The following SLCO3A1 variants were observed in gnomAD, a reference collection of about 807,000 sequenced individuals.
The protein encoded by SLCO3A1 is solute carrier organic anion transporter family member 3A1.
Under a neutral mutation model 63.1 loss-of-function variants are expected in SLCO3A1, and 27 were observed. The observed-to-expected ratio is 0.43, with a 90% confidence interval of 0.32 to 0.59. The LOEUF (loss-of-function observed/expected upper bound fraction) is 0.59, where lower values mean the gene tolerates loss of function less well. Among genes scored for constraint, SLCO3A1 ranks in the 20% least tolerant of loss-of-function variants. SLCO3A1 has a pLI of 0.09. For missense variants in SLCO3A1, 773 were observed against 945.8 expected (o/e 0.82, Z 2.40); for synonymous variants, 473 against 409.9 (o/e 1.15, Z -1.86).
intron 5 of SLCO3A1, among the ~76,000 whole-genome samples, chr15:92,122,863 T>A (rs2047879499): frequency 6.6e-6 from 1 of 152,212 alleles, no homozygotes; most frequent in Non-Finnish European, 1.5e-5. Flanking sequence ...TGGTTGAATC[T>A]CACAGAGTTG....
At chr15:91,868,796 G>A (rs1040048589) in intron 1 of SLCO3A1, among the ~76,000 whole-genome samples, 1 of 152,152 alleles carries the variant, frequency 6.6e-6, no homozygotes, top group Non-Finnish European at 1.5e-5. Flanking sequence ...CTACTGTCGT[G>A]ATTTTTAAAA....
intron 1 of SLCO3A1, among the ~76,000 whole-genome samples, chr15:91,855,023 C>A (rs771898846): frequency 1.3e-5 from 2 of 152,052 alleles, no homozygotes; most frequent in Non-Finnish European, 2.9e-5. Context: ...CCTGTCTAAA[C>A]GGGAAATTTT....
At chr15:91,908,757 TA>T (rs543497302) in intron 1 of SLCO3A1, 15,982 of 128,442 alleles carry the variant, frequency 0.12, 908 homozygotes, top group African/African-American at 0.17. Flanking sequence ...TTAATGGAAT[TA>T]AAAAAAAAAA....
intron 7 of SLCO3A1, among the ~76,000 whole-genome samples, chr15:92,146,773 G>A (rs895889510): frequency 6.6e-6 from 1 of 152,184 alleles, no homozygotes; most frequent in Admixed American, 6.5e-5. Context: ...ACAAGAGACA[G>A]AGAAATCAGC....
At chr15:92,030,790 G>A (rs1054933783) in intron 2 of SLCO3A1, among the ~76,000 whole-genome samples, 13 of 152,222 alleles carry the variant, frequency 8.5e-5, no homozygotes, top group African/African-American at 2.6e-4. Context: ...ACCTCTTAGC[G>A]CTCGCATTCT....
chr15:91,864,931 A>C (rs1194928726), intron 1 of SLCO3A1, among the ~76,000 whole-genome samples: 1 of 152,148 alleles, frequency 6.6e-6, no homozygotes, highest in Non-Finnish European at 1.5e-5. Context: ...ACCGTCCCTG[A>C]CAGGATGTCA....
chr15:92,106,892 A>G (rs959533170), intron 4 of SLCO3A1, among the ~76,000 whole-genome samples: 2 of 152,218 alleles, frequency 1.3e-5, no homozygotes, highest in South Asian at 4.1e-4. Context: ...CTATGGCTTA[A>G]GCATTCTTGG....
At chr15:91,945,211 G>C (rs56000392) in intron 2 of SLCO3A1, among the ~76,000 whole-genome samples, 11,930 of 151,996 alleles carry the variant, frequency 0.078, 536 homozygotes, top group Non-Finnish European at 0.09. Flanking sequence ...GCATGGTGGC[G>C]TGTGCCTGTA....
Position 92,171,657 on chromosome 15 carries a change from G to A in SLCO3A1, c.1997-123G>A, listed in dbSNP as rs2048522066. 5.8e-5 allele frequency: 41 copies of A among 702,864 alleles called. 2 individuals carry two copies. The South Asian group carries it at 6.5e-4, about 11-fold the overall frequency. 43.5% of individuals were successfully genotyped at this position (702,864 alleles called of 1,614,324 possible). ...AACCCAGCACTTTATTGCTTTGACT[G>A]CCTACTCTTGTCCCTTCACTGCAAA... On this transcript the variant is annotated intron_variant, in intron 10 of 10. Transcript: ENST00000424469.
intron 5 of SLCO3A1, 63 bp from the exon 6 acceptor site, chr15:92,125,998 G>T (rs762316145): frequency 2.1e-6 from 3 of 1,443,472 alleles, no homozygotes; most frequent in Non-Finnish European, 2.9e-6. Flanking sequence ...CCTGCTGCCC[G>T]CCTGTCTGTA....
intron 2 of SLCO3A1, among the ~76,000 whole-genome samples, chr15:91,978,262 T>C (rs1294833292): frequency 6.6e-6 from 1 of 152,242 alleles, no homozygotes; most frequent in African/African-American, 2.4e-5. Flanking sequence ...CACTGCTGTT[T>C]AGGAAAATGG....
intron 2 of SLCO3A1, among the ~76,000 whole-genome samples, chr15:91,930,660 G>A (rs1899193868): frequency 6.6e-6 from 1 of 152,200 alleles, no homozygotes; most frequent in East Asian, 1.9e-4. Context: ...CGTACAAGGT[G>A]CTGGGGATAC....
chr15:91,934,333 G>T lies in SLCO3A1; in HGVS notation c.646+17875G>T, dbSNP rs368840029. On this transcript the variant is annotated intron_variant, in intron 2 of 9. Coordinates refer to ENST00000318445, the MANE Select transcript of SLCO3A1 (RefSeq NM_013272.4). ...CTCTTTCTTCAAGGTTGCTCACTGG[G>T]AAATGGCTAGGCAGTGAATGGTCAG... Among the ~76,000 whole-genome samples, 9 of 152,248 alleles carry T rather than the reference G, an allele frequency of 5.9e-5. No homozygotes were observed. In the East Asian group the frequency reaches 1.7e-3, roughly 29 times the overall value.
Position 92,033,529 on chromosome 15 carries a change from A to G in SLCO3A1, c.647-61352A>G, listed in dbSNP as rs1190573827. On this transcript the variant is annotated intron_variant, in intron 2 of 9. Transcript: ENST00000318445. The surrounding 1 kb of genome is among the most constrained non-coding windows in gnomAD (Gnocchi z 4.5). The stretch of plus-strand genomic sequence containing the variant: ...GAGAACGAGGGAGGAGCAGAGGGTG[A>G]CTTCCAGCTGGGACTGGCATGTGTT... Among the ~76,000 whole-genome samples, 2 of 152,140 alleles carry G rather than the reference A, an allele frequency of 1.3e-5. No individual in the cohort carries two copies.
Position 91,854,297 on chromosome 15 carries a change from T to G in SLCO3A1, c.180+209T>G. On this transcript the variant is annotated intron_variant, in intron 1 of 9. Coordinates refer to ENST00000318445, the MANE Select transcript of SLCO3A1 (RefSeq NM_013272.4). The surrounding 1 kb of genome is among the most constrained non-coding windows in gnomAD (Gnocchi z 6.4). ...AGCGGGTAGCGGGCGGGACCGTTGA[T>G]GCCGGTAGCAGCTCGCGCGCGTCCG... 7 of 1,084,710 alleles carry G rather than the reference T, an allele frequency of 6.5e-6. No homozygotes were observed. Among genetic ancestry groups the G allele is most frequent in the Non-Finnish European group, 5.6e-6 (5 of 895,030 alleles). 67.2% of individuals were successfully genotyped at this position (1,084,710 alleles called of 1,614,324 possible).
chr15:92,121,735 G>A (rs1041961169), intron 5 of SLCO3A1, among the ~76,000 whole-genome samples: 1 of 152,212 alleles, frequency 6.6e-6, no homozygotes, highest in Non-Finnish European at 1.5e-5. Flanking sequence ...AGAGGAGTCT[G>A]CAGAGAAATT....
chr15:92,036,949 G>T (rs183592243), intron 2 of SLCO3A1, among the ~76,000 whole-genome samples: 11 of 152,210 alleles, frequency 7.2e-5, no homozygotes, highest in Admixed American at 7.2e-4. Context: ...TGTTTCCTGG[G>T]ACCAGCTCCA....
chr15:92,166,400 G>C (rs771321693), downstream of SLCO3A1, among the ~76,000 whole-genome samples: 1 of 152,212 alleles, frequency 6.6e-6, no homozygotes, highest in Non-Finnish European at 1.5e-5. Flanking sequence ...TAGCAGGAGG[G>C]AGCGTGCCCC....
chr15:91,994,685 A>G (rs892645409), intron 2 of SLCO3A1, among the ~76,000 whole-genome samples: 1 of 152,240 alleles, frequency 6.6e-6, no homozygotes, highest in Non-Finnish European at 1.5e-5. Flanking sequence ...GAGCTTCTGT[A>G]CAATCATCTG....
Sources: allele counts gnomAD v4.1 joint callset (sites outside exome capture counted in the v4.1 genomes callset), GRCh38; gene constraint gnomAD v4.1.1; non-coding constraint Gnocchi (gnomAD v3.1); transcripts MANE v1.5; gene names NCBI Gene and HGNC (gene_info 2026-07-23, HGNC 2026-07-21).